The following LDB2 variants were observed in gnomAD, a reference collection of about 807,000 sequenced individuals.
LDB2 encodes LIM domain binding 2, also known as LIM domain-binding protein 2.
Under a neutral mutation model 44.3 loss-of-function variants are expected in LDB2, and 12 were observed. The ratio of observed to expected loss-of-function variants is 0.27; its 90% confidence interval spans 0.17 to 0.44. The LOEUF (loss-of-function observed/expected upper bound fraction) is 0.44, where lower values mean the gene tolerates loss of function less well. LDB2 is among the 20% of genes least tolerant of loss of function. The pLI, the probability that LDB2 is intolerant of heterozygous loss-of-function variation, is 1.00. For synonymous variants in LDB2, 164 were observed against 174.8 expected (o/e 0.94, Z 0.49); for missense variants, 344 against 473.5 (o/e 0.73, Z 2.54).
intron 5 of LDB2, among the ~76,000 whole-genome samples, chr4:16,514,585 A>G (rs748475342): frequency 3.9e-5 from 6 of 152,192 alleles, no homozygotes; most frequent in Non-Finnish European, 7.4e-5. Context: ...TTACTGACCT[A>G]AGCTTGCTTA....
rs567911071 is a variant in LDB2, at chr4:16,627,189, C to A, written c.236-31314G>T. Among the ~76,000 whole-genome samples, 6 of 152,268 alleles carry A rather than the reference C, an allele frequency of 3.9e-5. No individual in the cohort carries two copies. The South Asian group carries it at 1.2e-3, about 32-fold the overall frequency. ...AAACCATTATTCCCTTCAGTGTCATCCCCACCCCACCACAATTCCACTTTT... is the reference window on the plus strand; with the variant it reads ...AAACCATTATTCCCTTCAGTGTCATACCCACCCCACCACAATTCCACTTTT... On this transcript the variant is annotated intron_variant, in intron 2 of 7. Coordinates refer to ENST00000304523, the MANE Select transcript of LDB2 (RefSeq NM_001290.5).
chr4:16,572,977 C>T (rs949058086), intron 5 of LDB2, among the ~76,000 whole-genome samples: 2 of 152,100 alleles, frequency 1.3e-5, no homozygotes, highest in African/African-American at 4.8e-5. Flanking sequence ...TTTCAGAGGC[C>T]GAATCCTCAC....
At chr4:16,696,139 A>T (rs1473554385) in intron 2 of LDB2, among the ~76,000 whole-genome samples, 2 of 152,150 alleles carry the variant, frequency 1.3e-5, no homozygotes, top group Non-Finnish European at 2.9e-5. Context: ...AGTCTTGGGG[A>T]AAAAGGACTT....
At chr4:16,697,726 A>C (rs1224380125) in intron 2 of LDB2, among the ~76,000 whole-genome samples, 1 of 152,090 alleles carries the variant, frequency 6.6e-6, no homozygotes, top group Non-Finnish European at 1.5e-5. Flanking sequence ...AGGCTCCTCA[A>C]TTCCCTTCCC....
chr4:16,741,884 A>C (rs9997088), intron 2 of LDB2, among the ~76,000 whole-genome samples: 14,083 of 152,156 alleles, frequency 0.093, 953 homozygotes, highest in East Asian at 0.41. Context: ...ATTATCTATG[A>C]TCTAGAGTCT....
chr4:16,787,054 A>G (rs572481849), intron 1 of LDB2, among the ~76,000 whole-genome samples: 1 of 152,340 alleles, frequency 6.6e-6, no homozygotes, highest in East Asian at 1.9e-4. Flanking sequence ...AAATGGAAAT[A>G]AAAAGCTTCC....
chr4:16,730,065 GTTCTA>G (rs1315639550), intron 2 of LDB2, among the ~76,000 whole-genome samples: 4 of 152,106 alleles, frequency 2.6e-5, no homozygotes, highest in East Asian at 1.9e-4. Context: ...CTTCAGGTCT[GTTCTA>G]TTCTATTCTG....
rs116700468 is a variant in LDB2, at chr4:16,767,450, C to A, written c.133-8190G>T. Among the ~76,000 whole-genome samples the A allele has an allele frequency of 4.4e-3, 665 of 152,268 alleles. 10 individuals are homozygous for A. The highest frequency in any genetic ancestry group is 0.015 in the African/African-American group (614 of 41,558). ...GATCAGGAGGACTGAGTACCAAATGCCCGAACTCATGTGTAGATTGAGCTC... is the reference window on the plus strand; with the variant it reads ...GATCAGGAGGACTGAGTACCAAATGACCGAACTCATGTGTAGATTGAGCTC... On this transcript the variant is annotated intron_variant, in intron 1 of 7. Coordinates refer to ENST00000304523, the MANE Select transcript of LDB2 (RefSeq NM_001290.5).
At chr4:16,799,426 C>T (rs1302189042) in intron 1 of LDB2, among the ~76,000 whole-genome samples, 1 of 152,182 alleles carries the variant, frequency 6.6e-6, no homozygotes, top group Non-Finnish European at 1.5e-5. Context: ...GCCCCATGCC[C>T]AGTTTCCTCT....
At chr4:16,600,533 C>T (rs1722293166) in intron 2 of LDB2, among the ~76,000 whole-genome samples, 1 of 152,038 alleles carries the variant, frequency 6.6e-6, no homozygotes, top group South Asian at 2.1e-4. Context: ...AAAAGAAAAT[C>T]ACACATTAAA....
intron 5 of LDB2, among the ~76,000 whole-genome samples, chr4:16,573,759 A>G (rs1235311965): frequency 6.6e-6 from 1 of 152,130 alleles, no homozygotes; most frequent in African/African-American, 2.4e-5. Flanking sequence ...GGTGAATGGT[A>G]TACCTGGATT....
At chr4:16,743,465 C>T (rs1763754180) in intron 2 of LDB2, among the ~76,000 whole-genome samples, 2 of 152,084 alleles carry the variant, frequency 1.3e-5, no homozygotes, top group Non-Finnish European at 2.9e-5. Flanking sequence ...GGGATATTAT[C>T]CCATGACTCA....
chr4:16,815,148 T>C (rs1370324868), intron 1 of LDB2, among the ~76,000 whole-genome samples: 1 of 152,244 alleles, frequency 6.6e-6, no homozygotes. Flanking sequence ...GTGTTTTTCA[T>C]TGCATTAATC....
chr4:16,654,851 G>A (rs968933624), intron 2 of LDB2, among the ~76,000 whole-genome samples: 3 of 152,100 alleles, frequency 2.0e-5, no homozygotes. Context: ...GGCACTATTT[G>A]ATTCACGTTA....
chr4:16,547,391 T>G (rs1203039061), intron 5 of LDB2, among the ~76,000 whole-genome samples: 1 of 152,190 alleles, frequency 6.6e-6, no homozygotes, highest in African/African-American at 2.4e-5. Context: ...TGAGGTGTGG[T>G]AATTTGTTAC....
intron 5 of LDB2, among the ~76,000 whole-genome samples, chr4:16,561,651 G>A (rs11931154): frequency 0.013 from 1,979 of 152,112 alleles, 40 homozygotes; most frequent in African/African-American, 0.045. Flanking sequence ...GCCCAAGGTA[G>A]TTTATAGATT....
At chr4:16,794,081 G>C (rs991530048) in intron 1 of LDB2, among the ~76,000 whole-genome samples, 1 of 152,146 alleles carries the variant, frequency 6.6e-6, no homozygotes, top group Non-Finnish European at 1.5e-5. Context: ...CGTGCCCAAA[G>C]GGGACAGCAC....
At chr4:16,688,334 G>T (rs1329374139) in intron 2 of LDB2, among the ~76,000 whole-genome samples, 1 of 152,200 alleles carries the variant, frequency 6.6e-6, no homozygotes, top group African/African-American at 2.4e-5. Flanking sequence ...AATTCAGGCA[G>T]GTGCTTAAGC....
At chr4:16,537,042 G>A (rs550301447) in intron 5 of LDB2, among the ~76,000 whole-genome samples, 6 of 152,226 alleles carry the variant, frequency 3.9e-5, no homozygotes, top group South Asian at 2.1e-4. Context: ...TACAGTTTAC[G>A]TTTTTATGAT....
Sources: gnomAD v4.1 joint callset for allele counts (sites outside exome capture counted in the v4.1 genomes callset) on GRCh38, gnomAD v4.1.1 for gene constraint, MANE v1.5 for transcripts, NCBI Gene and HGNC (gene_info 2026-07-23, HGNC 2026-07-21) for gene names.